Variants in ATPSCKMT observed in about 807,000 individuals in gnomAD.
ATPSCKMT encodes ATP synthase c subunit lysine N-methyltransferase.
A neutral mutation model predicts 24.3 loss-of-function variants in ATPSCKMT; 24 were observed. The ratio of observed to expected loss-of-function variants is 0.99; its 90% CI spans 0.71 to 1.39. The LOEUF is 1.39. Among genes scored for constraint, ATPSCKMT ranks in the 40% most tolerant of loss-of-function variants. The probability of loss-of-function intolerance (pLI) is 0.00; values close to 1 mark genes in which losing one functional copy is unlikely to be tolerated. For missense variants in ATPSCKMT, 311 were observed against 298.4 expected, an observed-to-expected ratio of 1.04 and a Z score of -0.31; for synonymous variants, 95 against 110.5, an observed-to-expected ratio of 0.86 and a Z score of 0.88.
In ATPSCKMT at chr5:10,234,220, C is replaced by T. The variant is rs187381215; in HGVS notation, c.495+991G>A. 2.7e-3 allele frequency among the ~76,000 whole-genome samples: 414 copies of T among 152,112 alleles called. 1 individual carries two copies. The highest frequency in any genetic ancestry group is 9.6e-3 in the African/African-American group (398 of 41,492). On this transcript the variant is annotated intron_variant, in intron 4 of 4. Transcript: ENST00000511437. Reference sequence around the variant, plus strand: ...GCAGGTGCCTGTAGTCCCAGCTACTCAGGAGGCTGATGCAGGAGAATTGCT... The same window carrying T: ...GCAGGTGCCTGTAGTCCCAGCTACTTAGGAGGCTGATGCAGGAGAATTGCT...
intron 1 of ATPSCKMT, among the ~76,000 whole-genome samples, chr5:10,246,247 T>C (rs1744919113): frequency 6.6e-6 from 1 of 151,998 alleles, no homozygotes; most frequent in South Asian, 2.1e-4. Context: ...CTGGCCAATA[T>C]TGTGAAACAA....
intron 2 of ATPSCKMT, 52 bp downstream of exon 2, chr5:10,239,015 C>G (rs758061714): frequency 1.5e-5 from 24 of 1,571,818 alleles, no homozygotes; most frequent in Non-Finnish European, 2.1e-5. Flanking sequence ...AAATGTAAAG[C>G]AGAAATTTTA....
intron 4 of ATPSCKMT, among the ~76,000 whole-genome samples, chr5:10,230,085 G>C (rs895887500): frequency 5.9e-5 from 9 of 152,072 alleles, no homozygotes; most frequent in African/African-American, 1.9e-4. Flanking sequence ...AAATTGATAG[G>C]GCTTCTATGA....
rs1743876915 is a variant in ATPSCKMT, at chr5:10,226,364, C to T, written c.*1077G>A. On this transcript the variant is annotated 3_prime_UTR_variant, in exon 5 of 5. Transcript: ENST00000511437. ...TTATAAGTTTAGTTAAAGATGTGAC[C>T]ATCTTACTTCATTACATCTCCATTA... The T allele has an allele frequency of 6.6e-6, 1 of 152,062 alleles. No individual in the cohort carries two copies. The highest frequency in any genetic ancestry group is 6.6e-5 in the Admixed American group (1 of 15,266). 9.4% of individuals were successfully genotyped at this position (152,062 alleles called of 1,614,324 possible).
Position 10,227,426 on chromosome 5 carries a change from C to T in ATPSCKMT, c.*15G>A. 6.2e-7 allele frequency: 1 copy of T among 1,612,970 alleles called. No individual in the cohort carries two copies. Among genetic ancestry groups the T allele is most frequent in the Non-Finnish European group, 8.5e-7 (1 of 1,179,652 alleles). The stretch of plus-strand genomic sequence containing the variant: ...GGAAGACTACAATATTTCAGAAAAA[C>T]ACTCCCAGTCAAGTTTATGCTTGAA... On this transcript the variant is annotated 3_prime_UTR_variant, in exon 5 of 5. Coordinates refer to ENST00000511437, the MANE Select transcript of ATPSCKMT (RefSeq NM_199133.4).
chr5:10,236,581 A>G lies in ATPSCKMT; in HGVS notation c.341T>C (p.Val114Ala), dbSNP rs17360625. The change falls in exon 3 of 5, where the codon GTT becomes GCT. Residue 114 changes from valine (V) to alanine (A), a missense_variant. Coordinates refer to ENST00000511437, the MANE Select transcript of ATPSCKMT (RefSeq NM_199133.4). ...TAGCCATGGGTTTAATTCATAACCA[A>G]CTGCTGTGAACCCTTTCTTCGCAGC... ...IAAAKKGFTA[V>A]GYELNPWLVW... The G allele has an allele frequency of 0.031, 49,762 of 1,614,230 alleles. 870 individuals are homozygous for G. Among genetic ancestry groups the G allele is most frequent in the Non-Finnish European group, 0.036 (42,414 of 1,180,024 alleles).
At chr5:10,232,876 G>T (rs1326104625) in intron 4 of ATPSCKMT, among the ~76,000 whole-genome samples, 2 of 152,244 alleles carry the variant, frequency 1.3e-5, no homozygotes, top group African/African-American at 4.8e-5. Context: ...GAGCAAGGCT[G>T]ATCTGCTCTG....
chr5:10,232,642 A>G (rs1243229211), intron 4 of ATPSCKMT, among the ~76,000 whole-genome samples: 2 of 152,272 alleles, frequency 1.3e-5, no homozygotes. Flanking sequence ...CAGGGAGACC[A>G]CAGTCAGAAG....
intron 4 of ATPSCKMT, among the ~76,000 whole-genome samples, chr5:10,232,512 G>A (rs369103994): frequency 7.6e-4 from 116 of 152,340 alleles, no homozygotes; most frequent in African/African-American, 2.5e-3. Flanking sequence ...AGGGCAACAA[G>A]GTACTATATG....
chr5:10,244,476 T>C (rs953030603), intron 1 of ATPSCKMT: 1 of 152,114 alleles, frequency 6.6e-6, no homozygotes, highest in African/African-American at 2.4e-5. Flanking sequence ...AGAAGATCGC[T>C]TGAGCCCGGG....
chr5:10,246,795 G>A (rs1744952264), intron 1 of ATPSCKMT, among the ~76,000 whole-genome samples: 1 of 152,236 alleles, frequency 6.6e-6, no homozygotes, highest in South Asian at 2.1e-4. Flanking sequence ...CATCTAGGCA[G>A]ATGAGGGGTG....
chr5:10,238,564 A>G (rs1744478668), intron 2 of ATPSCKMT, among the ~76,000 whole-genome samples: 1 of 152,218 alleles, frequency 6.6e-6, no homozygotes, highest in South Asian at 2.1e-4. Flanking sequence ...TTTTATTTAT[A>G]GGTGCCCAAC....
intron 2 of ATPSCKMT, among the ~76,000 whole-genome samples, chr5:10,238,123 G>A (rs959393144): frequency 1.3e-5 from 2 of 152,134 alleles, no homozygotes; most frequent in Non-Finnish European, 2.9e-5. Flanking sequence ...TTATTTAATC[G>A]GGGCAGAGTT....
intron 1 of ATPSCKMT, chr5:10,249,452 A>G (rs1453368255): frequency 4.6e-6 from 1 of 215,928 alleles, no homozygotes; most frequent in South Asian, 1.6e-4. Flanking sequence ...AGTAGGCACT[A>G]CTGTTACCAC....
At chr5:10,249,188 G>A (rs1448628345) in intron 1 of ATPSCKMT, among the ~76,000 whole-genome samples, 1 of 150,510 alleles carries the variant, frequency 6.6e-6, no homozygotes, top group Non-Finnish European at 1.5e-5. Flanking sequence ...AGAATCACTG[G>A]AACCCGGGAG....
chr5:10,234,162 T>C (rs1744273883), intron 4 of ATPSCKMT, among the ~76,000 whole-genome samples: 1 of 152,088 alleles, frequency 6.6e-6, no homozygotes, highest in African/African-American at 2.4e-5. Context: ...ACCCCACCTC[T>C]ACTAAAAATA....
At chr5:10,245,705 C>T (rs912943538) in intron 1 of ATPSCKMT, among the ~76,000 whole-genome samples, 1 of 151,512 alleles carries the variant, frequency 6.6e-6, no homozygotes, top group Non-Finnish European at 1.5e-5. Flanking sequence ...CGAGATCACA[C>T]CACTGTACTC....
Position 10,239,316 on chromosome 5 carries a change from T to A in ATPSCKMT, c.57A>T (p.Arg19Ser), listed in dbSNP as rs373460349. The change falls in exon 2 of 5, where the codon AGA becomes AGT. Residue 19 changes from arginine (R) to serine (S), a missense_variant. Physicochemically the swap from Arg to Ser is moderately radical, Grantham distance 110. Coordinates refer to ENST00000511437, the MANE Select transcript of ATPSCKMT (RefSeq NM_199133.4). ...CTTCAAAACTTGCAGGTAGAACATG[T>A]CTTGACTGACTTTCTTCTTTAAGTG... ...LETLKEESQSRHVLPASFEVN... is the reference protein window; with the variant it reads ...LETLKEESQSSHVLPASFEVN... 1.1e-5 allele frequency: 18 copies of A among 1,614,030 alleles called. No homozygotes were observed. Among genetic ancestry groups the A allele is most frequent in the Non-Finnish European group, 1.5e-5 (18 of 1,180,042 alleles).
chr5:10,230,602 A>C (rs7721337), intron 4 of ATPSCKMT, among the ~76,000 whole-genome samples: 1 of 152,150 alleles, frequency 6.6e-6, no homozygotes, highest in Non-Finnish European at 1.5e-5. Flanking sequence ...GTCTGCGTAA[A>C]GGAATTCAAA....
Sources: allele counts gnomAD v4.1 joint callset (sites outside exome capture counted in the v4.1 genomes callset), GRCh38; gene constraint gnomAD v4.1.1; transcripts MANE v1.5; gene names NCBI Gene and HGNC (gene_info 2026-07-23, HGNC 2026-07-21).